C9orf57: variants seen among roughly 807,000 people sequenced by gnomAD.
C9orf57 encodes the protein chromosome 9 open reading frame 57, also known as uncharacterized protein C9orf57.
Under a neutral mutation model 12.9 loss-of-function variants are expected in C9orf57, and 12 were observed. The ratio of observed to expected loss-of-function variants is 0.93; its 90% CI spans 0.60 to 1.51. C9orf57 has a LOEUF of 1.51. C9orf57 is among the 40% of genes most tolerant of loss of function. The pLI is 0.00. For synonymous variants in C9orf57, 49 were observed against 57.1 expected (o/e 0.86, Z 0.64); for missense variants, 141 against 162.8 (o/e 0.87, Z 0.73).
At chr9:72,056,393 C>A (rs1350289564) in intron 3 of C9orf57, among the ~76,000 whole-genome samples, 197 bp from the exon 4 acceptor site, 1 of 150,220 alleles carries the variant, frequency 6.7e-6, no homozygotes, top group East Asian at 1.9e-4. Context: ...AGGCCAGTTT[C>A]ACAGGCATGC....
chr9:72,055,882 G>A (rs1259382576), intron 4 of C9orf57, among the ~76,000 whole-genome samples, 192 bp downstream of exon 4: 2 of 152,004 alleles, frequency 1.3e-5, no homozygotes, highest in African/African-American at 2.4e-5. Context: ...TTACTTAATC[G>A]TTCGTGTCTC....
At chr9:72,060,431 AT>A in intron 1 of C9orf57, 65 bp downstream of exon 1, 2 of 833,940 alleles carry the variant, frequency 2.4e-6, no homozygotes, top group Non-Finnish European at 2.0e-6. Context: ...GTTAATACTT[AT>A]TAAAATGAAG....
At chr9:72,053,218 C>T (rs1337039932) in intron 4 of C9orf57, among the ~76,000 whole-genome samples, 1 of 152,124 alleles carries the variant, frequency 6.6e-6, no homozygotes, top group Admixed American at 6.6e-5. Context: ...TGCTGTACAT[C>T]CTACAATACA....
At position 72,056,818 on chromosome 9, in the gene C9orf57, A is replaced by G. The variant is rs530126679; in HGVS notation, c.123T>C (p.Pro41=). Residue 41 remains proline (P), a synonymous_variant, in exon 3 of 5, where the codon CCT becomes CCC. Transcript: ENST00000651200. ...GGACCTCTTCTTTCCAGTACTGACC[A>G]GGTTTTGTCTGGCAGGTTCCCAGGT... The part of the protein sequence containing the change: ...LGDLGTCQTK[P]GQYWKEEVHI... 3 of 1,551,054 alleles carry G rather than the reference A, an allele frequency of 1.9e-6. No homozygotes were observed. The African/African-American group carries it at 4.1e-5, about 21-fold the overall frequency.
intron 2 of C9orf57, 35 bp downstream of exon 2, chr9:72,059,200 C>T (rs573871091): frequency 1.9e-6 from 3 of 1,550,150 alleles, no homozygotes; most frequent in East Asian, 4.9e-5. Context: ...TAATAATTTT[C>T]TATCCTTTTA....
chr9:72,058,421 A>C (rs1431966684), intron 2 of C9orf57, among the ~76,000 whole-genome samples: 1 of 152,128 alleles, frequency 6.6e-6, no homozygotes, highest in Non-Finnish European at 1.5e-5. Flanking sequence ...TCAGCCTCCC[A>C]AAGTGCTAGG....
At position 72,053,879 on chromosome 9, in the gene C9orf57, T is replaced by C. The variant is rs1298009907; in HGVS notation, c.281-1444A>G. 2.0e-5 allele frequency among the ~76,000 whole-genome samples: 3 copies of C among 152,232 alleles called. No individual in the cohort carries two copies. The East Asian group carries it at 5.8e-4, about 29-fold the overall frequency. ...TGAATTTTTTCCCACTCAATATGTT[T>C]AGAGATTCCTCCATGTTAACAAGGG... is the stretch of plus-strand genomic sequence containing the variant. On this transcript the variant is annotated intron_variant, in intron 4 of 4. Coordinates refer to ENST00000651200, the MANE Select transcript of C9orf57 (RefSeq NM_001128618.2).
Position 72,059,400 on chromosome 9 carries a change from A to C in C9orf57, c.-53-16T>G. On this transcript the variant is annotated splice_polypyrimidine_tract_variant and intron_variant, in intron 1 of 4. Transcript: ENST00000651200. Reference sequence around the variant, plus strand: ...CCACTGATTTCTGGGGAAGCAATAAAGTTACACATTTATGTTAGCTATTTT... The same window carrying C: ...CCACTGATTTCTGGGGAAGCAATAACGTTACACATTTATGTTAGCTATTTT... 6.4e-7 allele frequency: 1 copy of C among 1,551,248 alleles called. No homozygotes were observed. Among genetic ancestry groups the C allele is most frequent in the Non-Finnish European group, 8.7e-7 (1 of 1,146,818 alleles).
At chr9:72,053,105 A>G (rs2132431296) in intron 4 of C9orf57, among the ~76,000 whole-genome samples, 1 of 152,296 alleles carries the variant, frequency 6.6e-6, no homozygotes, top group South Asian at 2.1e-4. Context: ...CTTTCCCAGC[A>G]CATCGGGTAA....
intron 4 of C9orf57, 85 bp downstream of exon 4, chr9:72,055,989 T>C: frequency 7.2e-7 from 1 of 1,396,192 alleles, no homozygotes; most frequent in South Asian, 1.6e-5. Context: ...GCCCTTAGTG[T>C]AGCATCTGGT....
chr9:72,056,282 G>A (rs1357662073), intron 3 of C9orf57, 86 bp from the exon 4 acceptor site: 2 of 1,067,978 alleles, frequency 1.9e-6, no homozygotes, highest in Admixed American at 6.3e-5. Flanking sequence ...AAAAAATAAA[G>A]TAGTGATTTT....
intron 4 of C9orf57, 94 bp from the exon 5 acceptor site, chr9:72,052,529 T>G: frequency 8.2e-7 from 1 of 1,223,966 alleles, no homozygotes; most frequent in Non-Finnish European, 1.1e-6. Context: ...TAAGCAAAAC[T>G]TTAGTTTTAT....
rs201297342 is a variant in C9orf57 at position 72,054,555 on chromosome 9, GT to G, written c.280+1518del. On this transcript the variant is annotated intron_variant, in intron 4 of 4. Coordinates refer to ENST00000651200, the MANE Select transcript of C9orf57 (RefSeq NM_001128618.2). ...ACTCCTGATATAATAAAACTTTTAT[GT>G]TTTTTACCAATCTGATGGGTTAAAA... is the stretch of plus-strand genomic sequence containing the variant. 8.6e-3 allele frequency among the ~76,000 whole-genome samples: 1,307 copies of G among 152,170 alleles called. 21 individuals carry two copies. Among genetic ancestry groups the G allele is most frequent in the African/African-American group, 0.03 (1,259 of 41,522 alleles).
chr9:72,051,627 C>T lies in C9orf57; in HGVS notation c.*669G>A, dbSNP rs1247683940. ...GCTTACCTTGAACTGCTTAATCTGC[C>T]AAAATTGAACAAGCCAAAGCATTTA... On this transcript the variant is annotated 3_prime_UTR_variant, in exon 5 of 5. Coordinates refer to ENST00000651200, the MANE Select transcript of C9orf57 (RefSeq NM_001128618.2). 2 of 152,034 alleles carry T rather than the reference C, an allele frequency of 1.3e-5. No individual in the cohort carries two copies. Among genetic ancestry groups the T allele is most frequent in the Non-Finnish European group, 2.9e-5 (2 of 68,034 alleles). The allele number at this position is 152,034 out of a possible 1,614,324, so 9.4% of individuals were successfully genotyped here. A position where few individuals can be genotyped will look rare whatever the true frequency, so the allele number is the denominator to read the frequency against.
rs537803760 is a variant in C9orf57 at position 72,060,396 on chromosome 9, A to C, written c.-54+101T>G. On this transcript the variant is annotated intron_variant, in intron 1 of 4. Coordinates refer to ENST00000651200, the MANE Select transcript of C9orf57 (RefSeq NM_001128618.2). The stretch of plus-strand genomic sequence containing the variant: ...GCAAAAGACCTTATTTATGAGGGAA[A>C]AGCATTATGTGATAGTTAACGATAG... 42 of 688,386 alleles carry C rather than the reference A, an allele frequency of 6.1e-5. No individual in the cohort carries two copies. In the African/African-American group the frequency reaches 6.8e-4, roughly 11 times the overall value. The allele number at this position is 688,386 out of a possible 1,614,324, so 42.6% of individuals were successfully genotyped here. A position where few individuals can be genotyped will look rare whatever the true frequency, so the allele number is the denominator to read the frequency against.
intron 4 of C9orf57, 111 bp from the exon 5 acceptor site, chr9:72,052,546 A>G: frequency 1.0e-6 from 1 of 990,444 alleles, no homozygotes; most frequent in Non-Finnish European, 1.5e-6. Context: ...TTATCAAGGT[A>G]CGAATCTAGC....
At chr9:72,059,096 T>G (rs1427378979) in intron 2 of C9orf57, 139 bp downstream of exon 2, 11 of 1,062,378 alleles carry the variant, frequency 1.0e-5, no homozygotes, top group South Asian at 3.5e-5. Flanking sequence ...AGGCTGGTCT[T>G]GAACTCCCGA....
intron 3 of C9orf57, among the ~76,000 whole-genome samples, chr9:72,056,514 G>A (rs990672741): frequency 5.3e-5 from 8 of 151,950 alleles, no homozygotes; most frequent in African/African-American, 1.7e-4. Flanking sequence ...AGGAATGTGT[G>A]CTCTGGAGTC....
In C9orf57 at chr9:72,052,336, A is replaced by C; in HGVS notation, c.380T>G (p.Val127Gly). The change falls in exon 5 of 5, where the codon GTA becomes GGA. Residue 127 changes from valine to glycine, a missense_variant. Coordinates refer to ENST00000651200, the MANE Select transcript of C9orf57 (RefSeq NM_001128618.2). ...VKRILQLHELVTTHCCNHSLC... is the reference protein window; with the variant it reads ...VKRILQLHELGTTHCCNHSLC... ...AGAATGATTGCAGCAGTGAGTAGTT[A>C]CAAGTTCATGCAGTTGCAGAATTCT... is the stretch of plus-strand genomic sequence containing the variant. 6.4e-7 allele frequency: 1 copy of C among 1,551,834 alleles called. No homozygotes were observed. The highest frequency in any genetic ancestry group is 8.7e-7 in the Non-Finnish European group (1 of 1,147,002).
Sources: allele counts gnomAD v4.1 joint callset (sites outside exome capture counted in the v4.1 genomes callset), GRCh38; gene constraint gnomAD v4.1.1; transcripts MANE v1.5; gene names NCBI Gene and HGNC (gene_info 2026-07-23, HGNC 2026-07-21).